TLK2: variants seen among roughly 807,000 people sequenced by gnomAD.
The protein encoded by TLK2 is tousled like kinase 2.
Under a neutral mutation model 117.3 loss-of-function variants are expected in TLK2, and 6 were observed. The ratio of observed to expected loss-of-function variants is 0.05; its 90% CI spans 0.03 to 0.10. The LOEUF is 0.10. Among genes scored for constraint, TLK2 ranks in the 10% least tolerant of loss-of-function variants. The probability of loss-of-function intolerance (pLI) is 1.00; values close to 1 mark genes in which losing one functional copy is unlikely to be tolerated. For synonymous variants in TLK2, 257 were observed against 316.7 expected (o/e 0.81, Z 2.00); for missense variants, 299 against 901.2 (o/e 0.33, Z 8.56).
intron 15 of TLK2, 33 bp from the exon 16 acceptor site, chr17:62,586,102 A>T (rs772467875): frequency 6.5e-7 from 1 of 1,542,942 alleles, no homozygotes; most frequent in African/African-American, 1.4e-5. Flanking sequence ...TTTTCTTAAC[A>T]TTTACCCAGT....
At chr17:62,527,896 C>A (rs1194050285) in intron 6 of TLK2, among the ~76,000 whole-genome samples, 1 of 152,062 alleles carries the variant, frequency 6.6e-6, no homozygotes, top group Non-Finnish European at 1.5e-5. Flanking sequence ...ACACGCGCCA[C>A]CACGCCCAGC....
At chr17:62,606,270 G>A (rs2083292959) in intron 20 of TLK2, 29 bp downstream of exon 20, 2 of 1,450,410 alleles carry the variant, frequency 1.4e-6, no homozygotes, top group Non-Finnish European at 1.9e-6. Context: ...GGAGAAGCTT[G>A]ATCTCTTTCT....
intron 14 of TLK2, among the ~76,000 whole-genome samples, chr17:62,578,976 G>C (rs1404916156): frequency 1.3e-5 from 2 of 152,144 alleles, no homozygotes; most frequent in African/African-American, 2.4e-5. Flanking sequence ...GTTTCTGAAT[G>C]ACCTTTAAGG....
intron 7 of TLK2, chr17:62,549,807 C>T (rs1265793966): frequency 6.7e-6 from 1 of 149,680 alleles, no homozygotes; most frequent in African/African-American, 2.5e-5. Context: ...CACCACCACG[C>T]CTGGCTAATT....
At chr17:62,561,504 G>A (rs920438507) in intron 10 of TLK2, among the ~76,000 whole-genome samples, 2 of 152,182 alleles carry the variant, frequency 1.3e-5, no homozygotes, top group African/African-American at 2.4e-5. Context: ...TCACCACTGC[G>A]CCCAGCCTAT....
chr17:62,523,220 A>G, intron 5 of TLK2, 43 bp downstream of exon 5: 1 of 1,587,960 alleles, frequency 6.3e-7, no homozygotes, highest in Non-Finnish European at 8.5e-7. Flanking sequence ...AAAACAAAAC[A>G]AAAAAACTCT....
At chr17:62,559,211 T>C (rs771037609) in intron 9 of TLK2, among the ~76,000 whole-genome samples, 25 of 152,144 alleles carry the variant, frequency 1.6e-4, no homozygotes, top group Non-Finnish European at 2.8e-4. Flanking sequence ...CTGTCTTTTG[T>C]GGGCATGGGC....
upstream of TLK2, among the ~76,000 whole-genome samples, chr17:62,476,858 G>T (rs1294016914): frequency 1.3e-5 from 2 of 151,928 alleles, no homozygotes; most frequent in Admixed American, 1.3e-4. Context: ...GAGATGGGCG[G>T]ATCAACTGAG....
intron 16 of TLK2, among the ~76,000 whole-genome samples, chr17:62,594,789 T>TACACACACAC (rs143695451): frequency 1.4e-3 from 207 of 145,516 alleles, no homozygotes; most frequent in African/African-American, 4.6e-3. Flanking sequence ...GCAGGGCGGG[T>TACACACACAC]ACACACACAC....
Position 62,538,075 on chromosome 17 carries a change from G to A in TLK2, c.531+1738G>A, listed in dbSNP as rs148346831. 9.8e-3 allele frequency among the ~76,000 whole-genome samples: 1,186 copies of A among 121,296 alleles called. 13 individuals carry two copies. The highest frequency in any genetic ancestry group is 0.034 in the African/African-American group (1,087 of 31,838). 79.6% of individuals were successfully genotyped at this position (121,296 alleles called of 152,430 possible). On this transcript the variant is annotated intron_variant, in intron 7 of 21. Transcript: ENST00000346027. ...TTTTGAGATGGAGTCTGGTTCTGTCGCCCAGTCTGGAGTGCAGTGGCCTGA... is the reference window on the plus strand; with the variant it reads ...TTTTGAGATGGAGTCTGGTTCTGTCACCCAGTCTGGAGTGCAGTGGCCTGA...
chr17:62,484,366 A>G (rs1373163552), intron 2 of TLK2, among the ~76,000 whole-genome samples: 1 of 151,384 alleles, frequency 6.6e-6, no homozygotes, highest in Non-Finnish European at 1.5e-5. Context: ...GCGCGATCTC[A>G]GCTCACTGCA....
rs147927204 is a variant in TLK2 at position 62,509,533 on chromosome 17, A to G, written c.82-11240A>G. 1.9e-4 allele frequency among the ~76,000 whole-genome samples: 29 copies of G among 152,380 alleles called. No individual in the cohort carries two copies. The East Asian group carries it at 5.4e-3, about 28-fold the overall frequency. On this transcript the variant is annotated intron_variant, in intron 2 of 21. Transcript: ENST00000346027. ...AAAATAAAAATACTAGTAAATGGCT[A>G]CAGCAGATTATTCCTTTGTTTTGTT...
At chr17:62,543,901 C>T (rs1319931285) in intron 7 of TLK2, among the ~76,000 whole-genome samples, 2 of 152,056 alleles carry the variant, frequency 1.3e-5, no homozygotes, top group African/African-American at 2.4e-5. Context: ...CAAGGCTTCA[C>T]CTAACCTAAA....
At chr17:62,600,964 A>G (rs1392514945) in intron 18 of TLK2, 144 bp downstream of exon 18, 1 of 793,652 alleles carries the variant, frequency 1.3e-6, no homozygotes, top group Non-Finnish European at 1.9e-6. Flanking sequence ...AGGTGTGGGA[A>G]AAAAGAGTCC....
chr17:62,550,299 A>G (rs2078350297), intron 7 of TLK2: 1 of 152,212 alleles, frequency 6.6e-6, no homozygotes, highest in Non-Finnish European at 1.5e-5. Context: ...TAAACTTTTT[A>G]AAGGTTTATC....
chr17:62,497,008 A>G (rs2073762903), intron 2 of TLK2, among the ~76,000 whole-genome samples: 1 of 151,260 alleles, frequency 6.6e-6, no homozygotes, highest in Non-Finnish European at 1.5e-5. Flanking sequence ...GGCGAGGCCC[A>G]GCATTTTGGG....
intron 13 of TLK2, among the ~76,000 whole-genome samples, chr17:62,577,427 G>A (rs988475643): frequency 2.0e-5 from 3 of 152,274 alleles, no homozygotes; most frequent in African/African-American, 7.2e-5. Context: ...TGAAATTGAT[G>A]TGAAGACTCC....
intron 19 of TLK2, among the ~76,000 whole-genome samples, chr17:62,604,462 C>T (rs1464792634): frequency 1.3e-5 from 2 of 152,030 alleles, no homozygotes; most frequent in African/African-American, 2.4e-5. Context: ...CTTTTACTCT[C>T]CTCTCAAAAT....
intron 9 of TLK2, among the ~76,000 whole-genome samples, chr17:62,559,133 T>C (rs1311736854): frequency 5.3e-5 from 8 of 152,202 alleles, no homozygotes; most frequent in African/African-American, 1.9e-4. Context: ...TGTAGGCTTC[T>C]GACCACAGCT....
Sources: gnomAD v4.1 joint callset for allele counts (sites outside exome capture counted in the v4.1 genomes callset) on GRCh38, gnomAD v4.1.1 for gene constraint, MANE v1.5 for transcripts, NCBI Gene and HGNC (gene_info 2026-07-23, HGNC 2026-07-21) for gene names.